Variants in ARHGEF6 observed in about 807,000 individuals in gnomAD.
ARHGEF6 encodes the protein Rac/Cdc42 guanine nucleotide exchange factor 6, also known as rho guanine nucleotide exchange factor 6.
In ARHGEF6, 9 loss-of-function variants were observed where a neutral mutation model predicts 70.3. The ratio of observed to expected loss-of-function variants is 0.13; its 90% CI spans 0.08 to 0.22. The LOEUF (loss-of-function observed/expected upper bound fraction) is 0.22, where lower values mean the gene tolerates loss of function less well. ARHGEF6 is among the 10% of genes least tolerant of loss of function. The pLI is 1.00. For missense variants in ARHGEF6, 470 were observed against 563.0 expected (o/e 0.83, Z 1.67); for synonymous variants, 201 against 207.8 (o/e 0.97, Z 0.28).
chrX:136,694,507 T>C (rs754941373), intron 9 of ARHGEF6, among the ~76,000 whole-genome samples: 39 of 111,797 alleles, frequency 3.5e-4, no homozygotes, highest in Non-Finnish European at 3.8e-5. Flanking sequence ...CTCAAAGTCT[T>C]CATTGCTGGC....
chrX:136,696,939 A>G (rs2076518743), intron 9 of ARHGEF6, among the ~76,000 whole-genome samples: 1 of 111,112 alleles, frequency 9.0e-6, no homozygotes, highest in Admixed American at 9.6e-5. Flanking sequence ...TCTGTGTAAA[A>G]GAGGCTAAAT....
At chrX:136,768,545 C>T (rs1471229583) in intron 2 of ARHGEF6, 1 of 112,264 alleles carries the variant, frequency 8.9e-6, no homozygotes, top group Non-Finnish European at 1.9e-5. Context: ...CCAACCCCTA[C>T]TCTAGTCTCC....
chrX:136,760,013 C>A (rs2077249561), intron 2 of ARHGEF6, among the ~76,000 whole-genome samples: 1 of 112,008 alleles, frequency 8.9e-6, no homozygotes, highest in Admixed American at 9.5e-5. Context: ...TGATAAGGCC[C>A]AGTTTGCCAG....
intron 11 of ARHGEF6, among the ~76,000 whole-genome samples, chrX:136,686,681 CATAT>C (rs746889104): frequency 3.5e-5 from 2 of 56,416 alleles, no homozygotes; most frequent in African/African-American, 6.9e-5. Context: ...TATATATACA[CATAT>C]ATATATATAC....
chrX:136,763,493 T>C (rs1238746713), intron 2 of ARHGEF6, among the ~76,000 whole-genome samples: 1 of 112,113 alleles, frequency 8.9e-6, no homozygotes, highest in Non-Finnish European at 1.9e-5. Context: ...CCTAAGCACT[T>C]GCTCTGTGCC....
At position 136,665,608 on chromosome X, in the gene ARHGEF6, A is replaced by G. The variant is rs1299799753; in HGVS notation, c.*2421T>C. Reference sequence around the variant, plus strand: ...AAAATGTCCATTTTAAAAGTCTTCAAAATAAAAACAAGTTAGAAAATTTGA... The same window carrying G: ...AAAATGTCCATTTTAAAAGTCTTCAGAATAAAAACAAGTTAGAAAATTTGA... On this transcript the variant is annotated 3_prime_UTR_variant, in exon 22 of 22. Coordinates refer to ENST00000250617, the MANE Select transcript of ARHGEF6 (RefSeq NM_004840.3). 1 of 112,987 alleles carries G rather than the reference A, an allele frequency of 8.9e-6. No individual in the cohort carries two copies. The highest frequency in any genetic ancestry group is 3.2e-5 in the African/African-American group (1 of 30,989). The allele number at this position is 112,987 out of a possible 1,213,427, so 9.3% of individuals were successfully genotyped here.
chrX:136,687,124 C>T (rs1368914778), intron 11 of ARHGEF6, among the ~76,000 whole-genome samples: 1 of 111,583 alleles, frequency 9.0e-6, no homozygotes, highest in Non-Finnish European at 1.9e-5. Context: ...GTTCTATTAG[C>T]TTGCGCCATG....
intron 9 of ARHGEF6, among the ~76,000 whole-genome samples, chrX:136,699,844 T>C (rs866423200): frequency 3.6e-5 from 4 of 111,203 alleles, no homozygotes; most frequent in Non-Finnish European, 7.5e-5. Context: ...AATCCTCTCA[T>C]GTTTTGGGAT....
At chrX:136,768,442 C>A (rs1272123863) in intron 2 of ARHGEF6, 1 of 112,240 alleles carries the variant, frequency 8.9e-6, no homozygotes, top group African/African-American at 3.2e-5. Flanking sequence ...CCTACTAGTT[C>A]CAACTGAGCA....
At chrX:136,688,590 C>T (rs1057244606) in intron 10 of ARHGEF6, among the ~76,000 whole-genome samples, 1 of 109,927 alleles carries the variant, frequency 9.1e-6, no homozygotes, top group African/African-American at 3.3e-5. Flanking sequence ...GCCCAGAGGT[C>T]GAGACTGTGA....
At chrX:136,756,166 G>GA (rs768234627) in intron 2 of ARHGEF6, among the ~76,000 whole-genome samples, 4 of 110,889 alleles carry the variant, frequency 3.6e-5, no homozygotes, top group African/African-American at 1.3e-4. Flanking sequence ...ACTTAGGAAA[G>GA]AAAAAAAACA....
intron 6 of ARHGEF6, among the ~76,000 whole-genome samples, chrX:136,718,102 A>G (rs932364026): frequency 3.6e-5 from 4 of 111,386 alleles, no homozygotes; most frequent in African/African-American, 1.3e-4. Flanking sequence ...AGACCCAACC[A>G]TATGCTGTTA....
chrX:136,669,980 G>C (rs1427724616), intron 20 of ARHGEF6, among the ~76,000 whole-genome samples: 1 of 111,614 alleles, frequency 9.0e-6, no homozygotes, highest in Non-Finnish European at 1.9e-5. Flanking sequence ...CCTTTTGTAT[G>C]TGTGTGGTGG....
rs201211908 is a variant in ARHGEF6, at chrX:136,720,863, C to CAATT, written c.733-7494_733-7493insAATT. On this transcript the variant is annotated intron_variant, in intron 6 of 21. Transcript: ENST00000250617. ...CATTTTCCTTTATATCAGCAATAAACAAAATCTGAAACAAAAAAATAATAT... is the reference window on the plus strand; with the variant it reads ...CATTTTCCTTTATATCAGCAATAAACAATTAAAATCTGAAACAAAAAAATAATAT... 4.1e-3 allele frequency among the ~76,000 whole-genome samples: 459 copies of CAATT among 111,229 alleles called. 4 individuals carry two copies. Among genetic ancestry groups the CAATT allele is most frequent in the African/African-American group, 0.015 (444 of 30,523 alleles).
At chrX:136,685,587 A>T in intron 12 of ARHGEF6, 90 bp downstream of exon 12, 2 of 1,055,324 alleles carry the variant, frequency 1.9e-6, no homozygotes, top group Non-Finnish European at 2.6e-6. Context: ...AGCCTGAGTG[A>T]CAGAACAAGA....
intron 2 of ARHGEF6, among the ~76,000 whole-genome samples, chrX:136,754,105 G>A (rs559073321): frequency 9.0e-6 from 1 of 111,455 alleles, no homozygotes; most frequent in African/African-American, 3.3e-5. Context: ...ATTCCCTGAC[G>A]GCTACCTCAG....
intron 2 of ARHGEF6, among the ~76,000 whole-genome samples, chrX:136,775,868 A>G (rs1419453553): frequency 8.9e-6 from 1 of 111,928 alleles, no homozygotes; most frequent in Non-Finnish European, 1.9e-5. Flanking sequence ...CAAAATCAAT[A>G]TGTCAGTAAC....
At chrX:136,668,255 T>C in intron 21 of ARHGEF6, 86 bp from the exon 22 acceptor site, 1 of 1,066,801 alleles carries the variant, frequency 9.4e-7, no homozygotes, top group Admixed American at 2.3e-5. Flanking sequence ...GCAGCTTTCA[T>C]CACTGACTCT....
At chrX:136,745,932 A>G (rs2077091053) in intron 3 of ARHGEF6, among the ~76,000 whole-genome samples, 1 of 111,621 alleles carries the variant, frequency 9.0e-6, no homozygotes, top group African/African-American at 3.3e-5. Flanking sequence ...CTTCCTTGAA[A>G]CCTTGTGAAA....
Sources: allele counts gnomAD v4.1 joint callset (sites outside exome capture counted in the v4.1 genomes callset), GRCh38; gene constraint gnomAD v4.1.1; transcripts MANE v1.5; gene names NCBI Gene and HGNC (gene_info 2026-07-23, HGNC 2026-07-21).